CDH18: variants seen among roughly 807,000 people sequenced by gnomAD.
The protein encoded by CDH18 is cadherin-18.
In CDH18, 31 loss-of-function variants were observed where a neutral mutation model predicts 67.9. The observed-to-expected ratio is 0.46, with a 90% CI of 0.34 to 0.62. The LOEUF is 0.62. CDH18 is among the 20% of genes least tolerant of loss of function. The pLI is 0.01. For synonymous variants in CDH18, 362 were observed against 347.2 expected (o/e 1.04, Z -0.48); for missense variants, 890 against 975.5 (o/e 0.91, Z 1.17).
chr5:19,691,913 A>G (rs1475554077), intron 5 of CDH18, among the ~76,000 whole-genome samples: 1 of 151,912 alleles, frequency 6.6e-6, no homozygotes, highest in Non-Finnish European at 1.5e-5. Flanking sequence ...TAAGAGGCCA[A>G]ACAGATAAAG....
chr5:19,505,284 CT>C (rs1395583983), intron 10 of CDH18, among the ~76,000 whole-genome samples: 1 of 152,088 alleles, frequency 6.6e-6, no homozygotes, highest in Admixed American at 6.6e-5. Flanking sequence ...TTGACTTCCT[CT>C]TTTCCTAATT....
chr5:19,868,463 G>A (rs887902881), intron 2 of CDH18, among the ~76,000 whole-genome samples: 8 of 152,062 alleles, frequency 5.3e-5, no homozygotes, highest in South Asian at 2.1e-4. Context: ...AATACACCAC[G>A]AAACATACGC....
At chr5:19,993,778 T>G (rs1198123121) in intron 2 of CDH18, among the ~76,000 whole-genome samples, 1 of 152,152 alleles carries the variant, frequency 6.6e-6, no homozygotes, top group African/African-American at 2.4e-5. Flanking sequence ...CCTCTCTATC[T>G]ATCCTCTTAG....
intron 2 of CDH18, among the ~76,000 whole-genome samples, chr5:20,105,697 C>T (rs1025049569): frequency 1.3e-4 from 20 of 152,182 alleles, no homozygotes; most frequent in Non-Finnish European, 2.6e-4. Flanking sequence ...GCTTATTTCA[C>T]TTAGCATAAC....
At chr5:19,980,598 T>A (rs535784262) in intron 2 of CDH18, among the ~76,000 whole-genome samples, 1 of 152,220 alleles carries the variant, frequency 6.6e-6, no homozygotes, top group South Asian at 2.1e-4. Context: ...CTACAGCTAC[T>A]CCTTAGTTGC....
chr5:20,276,508 AC>A (rs1316573367), intron 1 of CDH18, among the ~76,000 whole-genome samples: 2 of 152,036 alleles, frequency 1.3e-5, no homozygotes, highest in East Asian at 3.9e-4. Flanking sequence ...TGAATAAAGA[AC>A]CCTTGAGCCC....
At chr5:19,606,392 G>T (rs1483583682) in intron 6 of CDH18, among the ~76,000 whole-genome samples, 3 of 152,090 alleles carry the variant, frequency 2.0e-5, no homozygotes, top group African/African-American at 7.2e-5. Context: ...AAAAAGTTTT[G>T]AAATAAGTAT....
At position 19,717,488 on chromosome 5, in the gene CDH18, G is replaced by GA. The variant is rs139376093; in HGVS notation, c.643+3858dup. 5.0e-3 allele frequency among the ~76,000 whole-genome samples: 759 copies of GA among 152,138 alleles called. 3 individuals are homozygous for GA. Among genetic ancestry groups the GA allele is most frequent in the African/African-American group, 0.018 (731 of 41,552 alleles). ...GTTCTGTCTCCAACCTATGTTATGG[G>GA]AACTAGTTCTTTTGTGTAGGAATTT... is the stretch of plus-strand genomic sequence containing the variant. On this transcript the variant is annotated intron_variant, in intron 5 of 12. Transcript: ENST00000382275.
intron 1 of CDH18, among the ~76,000 whole-genome samples, chr5:20,401,296 T>C (rs555379112): frequency 3.9e-4 from 60 of 152,356 alleles, no homozygotes; most frequent in African/African-American, 1.4e-3. Flanking sequence ...ATATCATGTA[T>C]GTATTACATG....
intron 2 of CDH18, among the ~76,000 whole-genome samples, chr5:19,976,763 G>T (rs1409409994): frequency 6.6e-6 from 1 of 151,032 alleles, no homozygotes; most frequent in African/African-American, 2.4e-5. Flanking sequence ...CAAAGGATAA[G>T]ACTAACTTAT....
chr5:20,543,604 G>A (rs945744794), intron 1 of CDH18, among the ~76,000 whole-genome samples: 5 of 152,108 alleles, frequency 3.3e-5, no homozygotes, highest in African/African-American at 1.2e-4. Context: ...GTATAAAGCT[G>A]CCTGGAGATG....
chr5:20,342,530 G>A (rs568095146), intron 1 of CDH18, among the ~76,000 whole-genome samples: 1 of 152,224 alleles, frequency 6.6e-6, no homozygotes, highest in Non-Finnish European at 1.5e-5. Context: ...GGACCCTAGA[G>A]GTAAAGTTGA....
At chr5:20,439,350 G>T (rs1312634739) in intron 1 of CDH18, among the ~76,000 whole-genome samples, 1 of 151,508 alleles carries the variant, frequency 6.6e-6, no homozygotes, top group Non-Finnish European at 1.5e-5. Context: ...TTCTTGAAAG[G>T]TTGTAAACTA....
At chr5:19,625,485 G>A (rs890501382) in intron 5 of CDH18, among the ~76,000 whole-genome samples, 1 of 152,040 alleles carries the variant, frequency 6.6e-6, no homozygotes, top group African/African-American at 2.4e-5. Context: ...AAGTATTGTT[G>A]CACTGTTCTG....
chr5:19,628,066 G>A (rs1468977720), intron 5 of CDH18, among the ~76,000 whole-genome samples: 2 of 152,166 alleles, frequency 1.3e-5, no homozygotes, highest in Admixed American at 6.5e-5. Flanking sequence ...ATTCCCACGT[G>A]TTGTGGGAGG....
At chr5:19,894,311 T>C (rs1359822736) in intron 2 of CDH18, among the ~76,000 whole-genome samples, 1 of 152,104 alleles carries the variant, frequency 6.6e-6, no homozygotes, top group Admixed American at 6.6e-5. Context: ...GATATGTTCA[T>C]ATGAATACAG....
chr5:20,361,704 T>G (rs1253176302), intron 1 of CDH18, among the ~76,000 whole-genome samples: 1 of 152,150 alleles, frequency 6.6e-6, no homozygotes. Flanking sequence ...ATATTTGGTT[T>G]CTTAATACTG....
At chr5:20,381,179 C>T (rs924761509) in intron 1 of CDH18, among the ~76,000 whole-genome samples, 2 of 152,056 alleles carry the variant, frequency 1.3e-5, no homozygotes, top group Non-Finnish European at 2.9e-5. Context: ...AGAAAAAATA[C>T]CCGTCAGTAT....
intron 5 of CDH18, among the ~76,000 whole-genome samples, chr5:19,658,909 A>G (rs1029291931): frequency 6.6e-6 from 1 of 151,960 alleles, no homozygotes; most frequent in African/African-American, 2.4e-5. Flanking sequence ...CAAATGTCCA[A>G]CAATGATAGA....
Sources: gnomAD v4.1 joint callset for allele counts (sites outside exome capture counted in the v4.1 genomes callset) on GRCh38, gnomAD v4.1.1 for gene constraint, MANE v1.5 for transcripts, NCBI Gene and HGNC (gene_info 2026-07-23, HGNC 2026-07-21) for gene names.